Variants in TTC9 observed in about 807,000 individuals in gnomAD.
The protein encoded by TTC9 is tetratricopeptide repeat domain 9.
Under a neutral mutation model 22.9 loss-of-function variants are expected in TTC9, and 13 were observed. The ratio of observed to expected loss-of-function variants is 0.57; its 90% CI spans 0.37 to 0.90. TTC9 has a LOEUF of 0.90. Among genes scored for constraint, TTC9 ranks in the 40% least tolerant of loss-of-function variants. The probability of loss-of-function intolerance (pLI) is 0.01; values close to 1 mark genes in which losing one functional copy is unlikely to be tolerated. For synonymous variants in TTC9, 148 were observed against 133.2 expected, an observed-to-expected ratio of 1.11 and a Z score of -0.77; for missense variants, 280 against 291.8, an observed-to-expected ratio of 0.96 and a Z score of 0.29.
rs540722368 is a variant in TTC9, at chr14:70,664,930, A to G, written c.407-2634A>G. ...TCCACAGCCAGGTATGCCAGTTCCC[A>G]CCGGATCTGCAGGGGAACTAGAAAT... On this transcript the variant is annotated intron_variant, in intron 1 of 2. Coordinates refer to ENST00000256367, the MANE Select transcript of TTC9 (RefSeq NM_015351.2). Among the ~76,000 whole-genome samples the G allele has an allele frequency of 3.3e-5, 5 of 152,006 alleles. No individual in the cohort carries two copies. The East Asian group carries it at 9.7e-4, about 29-fold the overall frequency.
In TTC9 at chr14:70,642,560, C is replaced by T. The variant is rs1032757565; in HGVS notation, c.406+25C>T. 5 of 1,512,788 alleles carry T rather than the reference C, an allele frequency of 3.3e-6. No individual in the cohort carries two copies. The African/African-American group carries it at 4.3e-5, about 13-fold the overall frequency. 93.7% of individuals were successfully genotyped at this position (1,512,788 alleles called of 1,614,324 possible). A position where few individuals can be genotyped will look rare whatever the true frequency, so the allele number is the denominator to read the frequency against. On this transcript the variant is annotated intron_variant, in intron 1 of 2. Transcript: ENST00000256367. ...GGTGAGCCGCGCCGCGCCCCCCGCG[C>T]CGCGGTCCCCGTTCTTCGGCCCGGT...
Position 70,641,937 on chromosome 14 carries a change from G to GGCC in TTC9, c.-191_-190insCGC. The GGCC allele has an allele frequency of 4.3e-6, 1 of 232,652 alleles. No homozygotes were observed. The highest frequency in any genetic ancestry group is 7.2e-6 in the Non-Finnish European group (1 of 139,834). The allele number at this position is 232,652 out of a possible 1,614,324, so 14.4% of individuals were successfully genotyped here. ...CGGCGTCCGAGGCGGCGGCGGCGGC[G>GGCC]GCTGGAGCAGCCTCTGGCAGCAGCG... On this transcript the variant is annotated 5_prime_UTR_variant, in exon 1 of 3. Coordinates refer to ENST00000256367, the MANE Select transcript of TTC9 (RefSeq NM_015351.2).
chr14:70,673,260 G>A lies in TTC9; in HGVS notation c.*2105G>A, dbSNP rs1886321402. 1 of 152,160 alleles carries A rather than the reference G, an allele frequency of 6.6e-6. No individual in the cohort carries two copies. The highest frequency in any genetic ancestry group is 2.1e-4 in the South Asian group (1 of 4,822). 9.4% of individuals were successfully genotyped at this position (152,160 alleles called of 1,614,324 possible). The stretch of plus-strand genomic sequence containing the variant: ...ATATGGGTTAATTATGTAAGCAGAT[G>A]CCCCACCACGGCAGGATCCAATCAC... On this transcript the variant is annotated 3_prime_UTR_variant, in exon 3 of 3. Coordinates refer to ENST00000256367, the MANE Select transcript of TTC9 (RefSeq NM_015351.2).
At position 70,642,232 on chromosome 14, in the gene TTC9, G is replaced by A. The variant is rs1885824279; in HGVS notation, c.103G>A (p.Gly35Ser). ...GCCGCCGCTGTGCGTCCCGGGCGGC[G>A]GCGGAGGAGCCCCAGCGAGGGGCCA... Reference protein sequence around the residue: ...PPPPLCVPGGGGGAPARGQVG... With the variant: ...PPPPLCVPGGSGGAPARGQVG... Residue 35 changes from glycine to serine, a missense_variant, in exon 1 of 3, where the codon GGC becomes AGC. Gly to Ser is a moderately conservative substitution (Grantham distance 56, BLOSUM62 0). Transcript: ENST00000256367. The A allele has an allele frequency of 7.5e-7, 1 of 1,328,246 alleles. No individual in the cohort carries two copies. The highest frequency in any genetic ancestry group is 4.1e-5 in the Admixed American group (1 of 24,556). The allele number at this position is 1,328,246 out of a possible 1,614,324, so 82.3% of individuals were successfully genotyped here.
At chr14:70,650,616 A>G (rs979217024) in intron 1 of TTC9, among the ~76,000 whole-genome samples, 3 of 150,850 alleles carry the variant, frequency 2.0e-5, no homozygotes, top group Admixed American at 1.3e-4. Context: ...CTCTTGGACC[A>G]TGGTGTTCTG....
At position 70,663,227 on chromosome 14, in the gene TTC9, A is replaced by G. The variant is rs528740846; in HGVS notation, c.407-4337A>G. On this transcript the variant is annotated intron_variant, in intron 1 of 2. Transcript: ENST00000256367. ...CAACCTGGCATGCATGGCTTCCCAA[A>G]CTTTCTGAAATAGGCCATTCCCCTC... Among the ~76,000 whole-genome samples the G allele has an allele frequency of 1.4e-4, 21 of 152,110 alleles. 1 individual carries two copies. Among genetic ancestry groups the G allele is most frequent in the African/African-American group, 5.1e-4 (21 of 41,484 alleles).
chr14:70,643,421 A>G (rs1409358779), intron 1 of TTC9, among the ~76,000 whole-genome samples: 1 of 152,248 alleles, frequency 6.6e-6, no homozygotes, highest in African/African-American at 2.4e-5. Flanking sequence ...GGCTCTTGCT[A>G]GGGCCTTCCT....
chr14:70,654,521 C>T (rs377004166), intron 1 of TTC9, among the ~76,000 whole-genome samples: 269 of 125,844 alleles, frequency 2.1e-3, no homozygotes, highest in African/African-American at 6.8e-3. Flanking sequence ...AACCTGGGGG[C>T]GGAGGTTGCA....
At position 70,642,540 on chromosome 14, in the gene TTC9, GCCGCGCCGCGCCCC is replaced by G. The variant is rs913389413; in HGVS notation, c.406+16_406+29del. The stretch of plus-strand genomic sequence containing the variant: ...ACTGTTACAACAGCCTGGCAGGTGA[GCCGCGCCGCGCCCC>G]CCGCGCCGCGGTCCCCGTTCTTCGG... On this transcript the variant is annotated splice_donor_region_variant and intron_variant, in intron 1 of 2. Transcript: ENST00000256367. The G allele has an allele frequency of 1.6e-5, 24 of 1,511,954 alleles. No individual in the cohort carries two copies. The highest frequency in any genetic ancestry group is 1.5e-4 in the East Asian group (6 of 39,428). The allele number at this position is 1,511,954 out of a possible 1,614,324, so 93.7% of individuals were successfully genotyped here.
chr14:70,648,765 G>A (rs10130321), intron 1 of TTC9, among the ~76,000 whole-genome samples: 5,939 of 152,210 alleles, frequency 0.039, 375 homozygotes, highest in African/African-American at 0.13. Context: ...AAAATTTTCC[G>A]TTTCACCCAG....
intron 1 of TTC9, among the ~76,000 whole-genome samples, chr14:70,652,351 G>T (rs1172684067): frequency 6.6e-6 from 1 of 152,196 alleles, no homozygotes; most frequent in African/African-American, 2.4e-5. Flanking sequence ...AGCCTCCTTG[G>T]ATGATACAGT....
intron 1 of TTC9, among the ~76,000 whole-genome samples, chr14:70,647,952 C>G (rs1885927319): frequency 6.6e-6 from 1 of 152,134 alleles, no homozygotes; most frequent in Non-Finnish European, 1.5e-5. Context: ...GATACAGACT[C>G]TAAGGCAGAG....
At chr14:70,659,444 G>C (rs1414631655) in intron 1 of TTC9, among the ~76,000 whole-genome samples, 1 of 152,168 alleles carries the variant, frequency 6.6e-6, no homozygotes, top group African/African-American at 2.4e-5. Context: ...AACCAGAAAC[G>C]TGTCATGTCA....
chr14:70,654,451 C>T (rs372502626), intron 1 of TTC9, among the ~76,000 whole-genome samples: 4 of 151,218 alleles, frequency 2.6e-5, no homozygotes, highest in East Asian at 1.9e-4. Context: ...ATTAGCCGGG[C>T]GTGGCGGTAT....
chr14:70,661,778 G>A (rs1886147829), intron 1 of TTC9, among the ~76,000 whole-genome samples: 1 of 152,124 alleles, frequency 6.6e-6, no homozygotes, highest in African/African-American at 2.4e-5. Context: ...TTCTCTATTT[G>A]CTAAACACGA....
At position 70,667,731 on chromosome 14, in the gene TTC9, A is replaced by G. The variant is rs772284365; in HGVS notation, c.574A>G (p.Thr192Ala). 13 of 1,600,284 alleles carry G rather than the reference A, an allele frequency of 8.1e-6. No homozygotes were observed. The highest frequency in any genetic ancestry group is 1.1e-5 in the Non-Finnish European group (13 of 1,171,452). ...KALYYLKEAR[T>A]QQPTDTNVIR... ...ACTCTACTACCTGAAAGAAGCAAGG[A>G]CCCAACAACCAACAGGTAAGGCGGA... Residue 192 changes from threonine to alanine, a missense_variant, in exon 2 of 3, where the codon ACC (threonine) becomes GCC (alanine). Coordinates refer to ENST00000256367, the MANE Select transcript of TTC9 (RefSeq NM_015351.2).
chr14:70,642,540 G>GCCGCGCCGCGCCCC lies in TTC9; in HGVS notation c.406+16_406+29dup, dbSNP rs913389413. 8.5e-5 allele frequency: 128 copies of GCCGCGCCGCGCCCC among 1,511,962 alleles called. No individual in the cohort carries two copies. The highest frequency in any genetic ancestry group is 1.2e-4 in the Admixed American group (6 of 49,150). The allele number at this position is 1,511,962 out of a possible 1,614,324, so 93.7% of individuals were successfully genotyped here. ...ACTGTTACAACAGCCTGGCAGGTGA[G>GCCGCGCCGCGCCCC]CCGCGCCGCGCCCCCCGCGCCGCGG... is the stretch of plus-strand genomic sequence containing the variant. On this transcript the variant is annotated splice_donor_region_variant and intron_variant, in intron 1 of 2. Coordinates refer to ENST00000256367, the MANE Select transcript of TTC9 (RefSeq NM_015351.2).
chr14:70,647,174 G>A (rs1380867100), intron 1 of TTC9, among the ~76,000 whole-genome samples: 1 of 152,154 alleles, frequency 6.6e-6, no homozygotes, highest in African/African-American at 2.4e-5. Context: ...TTACTTATAT[G>A]AGGAATTATA....
chr14:70,665,015 AG>A (rs1383664197), intron 1 of TTC9, among the ~76,000 whole-genome samples: 6 of 152,188 alleles, frequency 3.9e-5, no homozygotes, highest in South Asian at 2.1e-4. Context: ...CTTTGTGGGA[AG>A]GGGGAGGCTT....
Sources: gnomAD v4.1 joint callset for allele counts (sites outside exome capture counted in the v4.1 genomes callset) on GRCh38, gnomAD v4.1.1 for gene constraint, MANE v1.5 for transcripts, NCBI Gene and HGNC (gene_info 2026-07-23, HGNC 2026-07-21) for gene names.